Variants in FKBP15 observed in about 807,000 individuals in gnomAD.
FKBP15 encodes the protein FK506-binding protein 15.
A neutral mutation model predicts 158.1 loss-of-function variants in FKBP15; 106 were observed. That is an observed-to-expected ratio of 0.67 (90% CI 0.57 to 0.79). The LOEUF (loss-of-function observed/expected upper bound fraction) is 0.79. Ranked by LOEUF, FKBP15 falls within the 30% of genes least tolerant of loss-of-function variation. The probability of loss-of-function intolerance (pLI) is 0.00; values close to 1 mark genes in which losing one functional copy is unlikely to be tolerated. For synonymous variants in FKBP15, 547 were observed against 548.6 expected (o/e 1.00, Z 0.04); for missense variants, 1,287 against 1,479.1 (o/e 0.87, Z 2.13).
chr9:113,170,766 C>A, intron 24 of FKBP15, 137 bp from the exon 25 acceptor site: 1 of 697,008 alleles, frequency 1.4e-6, no homozygotes, highest in Non-Finnish European at 2.6e-6. Context: ...TAAGCAGAGA[C>A]ACTGAAGGCT....
At position 113,198,667 on chromosome 9, in the gene FKBP15, G is replaced by C. The variant is rs997609921; in HGVS notation, c.717+188C>G. Among the ~76,000 whole-genome samples the C allele has an allele frequency of 6.6e-6, 1 of 152,278 alleles. No homozygotes were observed. The highest frequency in any genetic ancestry group is 1.9e-4 in the East Asian group (1 of 5,180). On this transcript the variant is annotated intron_variant, in intron 8 of 27. Coordinates refer to ENST00000238256, the MANE Select transcript of FKBP15 (RefSeq NM_015258.2). This position sits in a 1 kb window ranked among gnomAD's most constrained non-coding sequence, Gnocchi z 5.2. ...CTAGGGAGGCTGAGGCAGGAGAATC[G>C]CTTGAACCTGGGAGGTGGAGGTTGC...
chr9:113,162,897 C>T lies in FKBP15; in HGVS notation c.*3181G>A. On this transcript the variant is annotated 3_prime_UTR_variant, in exon 28 of 28. Transcript: ENST00000238256. ...TGCTGTGGGCTACTACCTAGCTTAC[C>T]CACTTCTCAGCACAGCTTAGCTGGT... is the stretch of plus-strand genomic sequence containing the variant. 1 of 1,611,308 alleles carries T rather than the reference C, an allele frequency of 6.2e-7. No homozygotes were observed. Among genetic ancestry groups the T allele is most frequent in the Non-Finnish European group, 8.5e-7 (1 of 1,179,020 alleles).
chr9:113,194,160 C>A lies in FKBP15; in HGVS notation c.874G>T (p.Ala292Ser). The change falls in exon 10 of 28, where the codon GCC (alanine) becomes TCC (serine). Residue 292 changes from alanine (A) to serine (S), a missense_variant. By Grantham distance (99) the Ala-to-Ser change is moderately conservative. Transcript: ENST00000238256. ...FEVEVRRVKF[A>S]RDSGSDGHSV... ...TGACCATCAGAGCCAGAATCTCTGG[C>A]AAACTTCACCTAAGGAAACACCGCA... 3 of 1,607,772 alleles carry A rather than the reference C, an allele frequency of 1.9e-6. No homozygotes were observed. Among genetic ancestry groups the A allele is most frequent in the Non-Finnish European group, 2.6e-6 (3 of 1,176,408 alleles).
intron 12 of FKBP15, among the ~76,000 whole-genome samples, chr9:113,189,497 A>T (rs1830538350): frequency 6.6e-6 from 1 of 152,120 alleles, no homozygotes; most frequent in Non-Finnish European, 1.5e-5. Context: ...TAAGTAGCAC[A>T]TAAAATTTTT....
intron 21 of FKBP15, 141 bp downstream of exon 21, chr9:113,176,396 G>A (rs1050472052): frequency 2.6e-5 from 23 of 901,780 alleles, no homozygotes; most frequent in Middle Eastern, 3.5e-4. Flanking sequence ...AGATTAGAGC[G>A]GGGAAAATTT....
intron 18 of FKBP15, 102 bp from the exon 19 acceptor site, chr9:113,182,970 C>T (rs1481986834): frequency 2.1e-6 from 2 of 945,646 alleles, no homozygotes; most frequent in Non-Finnish European, 1.7e-6. Flanking sequence ...CTGCTCTATA[C>T]CTTTGTCAAA....
intron 1 of FKBP15, among the ~76,000 whole-genome samples, chr9:113,216,491 A>T (rs930832262): frequency 1.3e-5 from 2 of 152,238 alleles, no homozygotes; most frequent in Non-Finnish European, 2.9e-5. Context: ...GAGTGAGAGC[A>T]GCGCTGGCCT....
Position 113,164,579 on chromosome 9 carries a change from C to A in FKBP15, c.*1499G>T, listed in dbSNP as rs1010766830. ...TTTAGGACTGATCAGGGCATTCCCC[C>A]ATGTTTGCAGGGAACTGGAAAGCTG... is the stretch of plus-strand genomic sequence containing the variant. On this transcript the variant is annotated 3_prime_UTR_variant, in exon 28 of 28. Coordinates refer to ENST00000238256, the MANE Select transcript of FKBP15 (RefSeq NM_015258.2). 6.6e-6 allele frequency: 1 copy of A among 152,264 alleles called. No individual in the cohort carries two copies. Among genetic ancestry groups the A allele is most frequent in the African/African-American group, 2.4e-5 (1 of 41,444 alleles). 9.4% of individuals were successfully genotyped at this position (152,264 alleles called of 1,614,324 possible).
In FKBP15 at chr9:113,163,617, G is replaced by T. The variant is rs1830051745; in HGVS notation, c.*2461C>A. On this transcript the variant is annotated 3_prime_UTR_variant, in exon 28 of 28. Coordinates refer to ENST00000238256, the MANE Select transcript of FKBP15 (RefSeq NM_015258.2). ...TTTCTTGGGGAGAGAATAAGTGACA[G>T]CTGATTAAAGGCAGAGACACAGGAC... is the stretch of plus-strand genomic sequence containing the variant. 6.6e-6 allele frequency: 1 copy of T among 152,444 alleles called. No homozygotes were observed. Among genetic ancestry groups the T allele is most frequent in the African/African-American group, 2.4e-5 (1 of 41,446 alleles). 9.4% of individuals were successfully genotyped at this position (152,444 alleles called of 1,614,324 possible). A position where few individuals can be genotyped will look rare whatever the true frequency, so the allele number is the denominator to read the frequency against.
intron 23 of FKBP15, among the ~76,000 whole-genome samples, chr9:113,173,064 G>T (rs909425434): frequency 1.3e-5 from 2 of 152,090 alleles, no homozygotes; most frequent in African/African-American, 4.8e-5. Context: ...CCTCTTCTGG[G>T]CCCCATAGCA....
At chr9:113,179,401 C>T (rs1364419964) in intron 19 of FKBP15, among the ~76,000 whole-genome samples, 2 of 152,254 alleles carry the variant, frequency 1.3e-5, no homozygotes, top group South Asian at 4.1e-4. Flanking sequence ...CAGTGGCTCG[C>T]GCCTGTAATC....
At position 113,218,082 on chromosome 9, in the gene FKBP15, C is replaced by G. The variant is rs114683540; in HGVS notation, c.53+3109G>C. 5.4e-3 allele frequency among the ~76,000 whole-genome samples: 815 copies of G among 151,954 alleles called. 13 individuals are homozygous for G. The highest frequency in any genetic ancestry group is 0.019 in the African/African-American group (785 of 41,454). On this transcript the variant is annotated intron_variant, in intron 1 of 27. Transcript: ENST00000238256. Reference sequence around the variant, plus strand: ...CACCTCAGTTTTATATTTTCTTTCTCATCAAAAACAAAAACACATGCATTT... The same window carrying G: ...CACCTCAGTTTTATATTTTCTTTCTGATCAAAAACAAAAACACATGCATTT...
In FKBP15 at chr9:113,197,912, GAA is replaced by G. The variant is rs1260637968; in HGVS notation, c.718-836_718-835del. Among the ~76,000 whole-genome samples, 18 of 152,312 alleles carry G rather than the reference GAA, an allele frequency of 1.2e-4. No individual in the cohort carries two copies. In the East Asian group the frequency reaches 3.5e-3, roughly 29 times the overall value. Reference sequence around the variant, plus strand: ...ATGACTTAACTGCTAAGATCTATGGGAAAAAGTCTCCATAGGATTCTGGGAAA... The same window carrying G: ...ATGACTTAACTGCTAAGATCTATGGGAAAGTCTCCATAGGATTCTGGGAAA... On this transcript the variant is annotated intron_variant, in intron 8 of 27. Transcript: ENST00000238256.
In FKBP15 at chr9:113,207,291, G is replaced by A. The variant is rs1250961728; in HGVS notation, c.175C>T (p.Gln59Ter). 1 of 1,603,526 alleles carries A rather than the reference G, an allele frequency of 6.2e-7. No homozygotes were observed. The change falls in exon 3 of 28, where the codon CAG becomes TAG. Residue 59 changes from glutamine to a stop codon, truncating the protein, a stop_gained. Transcript: ENST00000238256. LOFTEE classifies it high-confidence loss of function. The stretch of plus-strand genomic sequence containing the variant: ...GCTGGTGCTGTTTTTGGTGTTGCCT[G>A]ATTTCCTGAAGATGAACAAGAAAAC... ...KGQGTAATGN[Q>*]ATPKTAPATM...
chr9:113,185,378 G>C (rs532796207), intron 15 of FKBP15, among the ~76,000 whole-genome samples: 8 of 152,322 alleles, frequency 5.3e-5, no homozygotes, highest in African/African-American at 1.7e-4. Flanking sequence ...GTCAGGGAAG[G>C]CTTCACAGAG....
In FKBP15 at chr9:113,200,410, T is replaced by C. The variant is rs149660780; in HGVS notation, c.499-447A>G. Among the ~76,000 whole-genome samples, 5 of 152,228 alleles carry C rather than the reference T, an allele frequency of 3.3e-5. No individual in the cohort carries two copies. In the East Asian group the frequency reaches 9.6e-4, roughly 29 times the overall value. ...GGAACCTAGGAAAGAAAGGGGAGCTTTGAAAAAACGTCAGAAGGCACTTCT... is the reference window on the plus strand; with the variant it reads ...GGAACCTAGGAAAGAAAGGGGAGCTCTGAAAAAACGTCAGAAGGCACTTCT... On this transcript the variant is annotated intron_variant, in intron 6 of 27. Coordinates refer to ENST00000238256, the MANE Select transcript of FKBP15 (RefSeq NM_015258.2).
At chr9:113,213,778 G>C (rs1412420382) in intron 1 of FKBP15, among the ~76,000 whole-genome samples, 1 of 152,042 alleles carries the variant, frequency 6.6e-6, no homozygotes, top group Non-Finnish European at 1.5e-5. Context: ...GAACTTCTCA[G>C]CCTCCATAAC....
chr9:113,213,366 G>A (rs925657711), intron 1 of FKBP15, among the ~76,000 whole-genome samples: 14 of 150,968 alleles, frequency 9.3e-5, no homozygotes, highest in South Asian at 2.1e-4. Flanking sequence ...CTGAGATCAC[G>A]CCACTGCACT....
intron 27 of FKBP15, 126 bp downstream of exon 27, chr9:113,168,334 A>T: frequency 1.3e-6 from 1 of 743,428 alleles, no homozygotes; most frequent in Non-Finnish European, 2.2e-6. Context: ...GCCTGCTCCC[A>T]CAGGGCCCTG....
Sources: gnomAD v4.1 joint callset for allele counts (sites outside exome capture counted in the v4.1 genomes callset) on GRCh38, gnomAD v4.1.1 for gene constraint, Gnocchi (gnomAD v3.1) non-coding constraint, MANE v1.5 for transcripts, NCBI Gene and HGNC (gene_info 2026-07-23, HGNC 2026-07-21) for gene names.